CNTNAP2: variants seen among roughly 807,000 people sequenced by gnomAD.
The protein encoded by CNTNAP2 is contactin-associated protein-like 2.
In CNTNAP2, 98 loss-of-function variants were observed where a neutral mutation model predicts 155.2. That is an observed-to-expected ratio of 0.63 (90% CI 0.54 to 0.75). CNTNAP2 has a LOEUF of 0.75. Ranked by LOEUF, CNTNAP2 falls within the 30% of genes least tolerant of loss-of-function variation. The pLI is 0.00. For synonymous variants in CNTNAP2, 651 were observed against 631.2 expected (o/e 1.03, Z -0.47); for missense variants, 1,727 against 1,688.1 (o/e 1.02, Z -0.40).
chr7:147,972,902 G>A (rs1158803729), intron 14 of CNTNAP2, among the ~76,000 whole-genome samples: 2 of 152,210 alleles, frequency 1.3e-5, no homozygotes, highest in Admixed American at 6.5e-5. Context: ...AACCAAATTG[G>A]TTGTGGAGGC....
chr7:147,720,849 A>G (rs1563064849), intron 13 of CNTNAP2, among the ~76,000 whole-genome samples: 1 of 152,164 alleles, frequency 6.6e-6, no homozygotes, highest in Non-Finnish European at 1.5e-5. Context: ...TTATAGCAGT[A>G]TGAAAAAAAG....
chr7:148,155,364 T>C (rs2972116), intron 17 of CNTNAP2, among the ~76,000 whole-genome samples: 46,647 of 152,080 alleles, frequency 0.31, 7,852 homozygotes, highest in African/African-American at 0.43. Context: ...GCAGTCGAGC[T>C]CGCCTCCACT....
At chr7:147,162,257 C>CTGCT (rs1802041249) in intron 8 of CNTNAP2, 1 of 152,296 alleles carries the variant, frequency 6.6e-6, no homozygotes, top group East Asian at 1.9e-4. Flanking sequence ...CCATATATCA[C>CTGCT]TGCTTAAAAT....
chr7:147,225,288 T>G (rs1184286007), intron 8 of CNTNAP2, among the ~76,000 whole-genome samples: 3 of 152,222 alleles, frequency 2.0e-5, no homozygotes, highest in African/African-American at 7.2e-5. Flanking sequence ...GTAGCTGAAC[T>G]GGAAATGTTT....
chr7:147,994,856 G>A (rs1223578384), intron 15 of CNTNAP2, among the ~76,000 whole-genome samples: 1 of 152,196 alleles, frequency 6.6e-6, no homozygotes, highest in Non-Finnish European at 1.5e-5. Context: ...ATATAGAGAG[G>A]AAGCTGAAGA....
At chr7:146,128,586 G>A (rs1225854990) in intron 1 of CNTNAP2, among the ~76,000 whole-genome samples, 1 of 152,080 alleles carries the variant, frequency 6.6e-6, no homozygotes, top group African/African-American at 2.4e-5. Flanking sequence ...CTAATACCTT[G>A]AAGACAAACA....
intron 12 of CNTNAP2, among the ~76,000 whole-genome samples, chr7:147,564,716 T>C (rs550943129): frequency 9.2e-5 from 14 of 152,228 alleles, no homozygotes; most frequent in Non-Finnish European, 1.9e-4. Context: ...CATTGAACCC[T>C]TTGCTCAGAA....
intron 21 of CNTNAP2, among the ~76,000 whole-genome samples, chr7:148,309,585 G>A (rs1797555587): frequency 1.3e-5 from 2 of 152,148 alleles, no homozygotes; most frequent in African/African-American, 4.8e-5. Context: ...ACAGTCAAAG[G>A]GGGGTTATTC....
chr7:146,567,316 G>A (rs1424006603), intron 1 of CNTNAP2, among the ~76,000 whole-genome samples: 3 of 151,894 alleles, frequency 2.0e-5, no homozygotes, highest in South Asian at 2.1e-4. Flanking sequence ...TAATCTTAAA[G>A]GATCACATGT....
chr7:147,054,709 AAAGTAAC>A lies in CNTNAP2; in HGVS notation c.550+10658_550+10664del, dbSNP rs1799528321. 2.0e-5 allele frequency among the ~76,000 whole-genome samples: 3 copies of A among 152,258 alleles called. No homozygotes were observed. The South Asian group carries it at 6.2e-4, about 32-fold the overall frequency. ...TGGCAGTAATTGTCCTCATGAATTAAAAGTAACAACATAATAAAATAATTATTTAGTA... is the reference window on the plus strand; with the variant it reads ...TGGCAGTAATTGTCCTCATGAATTAAAACATAATAAAATAATTATTTAGTA... On this transcript the variant is annotated intron_variant, in intron 4 of 23. Transcript: ENST00000361727.
chr7:146,797,579 T>G (rs915503875), intron 2 of CNTNAP2, among the ~76,000 whole-genome samples: 6 of 152,146 alleles, frequency 3.9e-5, no homozygotes, highest in African/African-American at 1.2e-4. Flanking sequence ...TGTTGATGGA[T>G]TTAAGTAAAG....
intron 1 of CNTNAP2, among the ~76,000 whole-genome samples, chr7:146,361,207 A>G (rs1314201974): frequency 6.6e-6 from 1 of 152,174 alleles, no homozygotes; most frequent in East Asian, 1.9e-4. Flanking sequence ...GCAGCTCTAC[A>G]TACATACAGC....
At chr7:147,273,132 C>G (rs1804797553) in intron 8 of CNTNAP2, among the ~76,000 whole-genome samples, 1 of 152,068 alleles carries the variant, frequency 6.6e-6, no homozygotes, top group African/African-American at 2.4e-5. Context: ...CACTCCCAGC[C>G]TGCAGAAGCC....
Position 146,873,577 on chromosome 7 carries a change from G to A in CNTNAP2, c.402+33673G>A, listed in dbSNP as rs146139967. On this transcript the variant is annotated intron_variant, in intron 3 of 23. Transcript: ENST00000361727. The stretch of plus-strand genomic sequence containing the variant: ...AGTGACCCTCTGTGGGTAAGAAGTG[G>A]GCTCCTAGAGTATTTGAATTATGAA... 1.7e-4 allele frequency among the ~76,000 whole-genome samples: 26 copies of A among 152,196 alleles called. No individual in the cohort carries two copies. The East Asian group carries it at 5.0e-3, about 29-fold the overall frequency.
At chr7:146,870,644 T>G (rs1309541370) in intron 3 of CNTNAP2, among the ~76,000 whole-genome samples, 2 of 152,168 alleles carry the variant, frequency 1.3e-5, no homozygotes, top group African/African-American at 4.8e-5. Flanking sequence ...TCATTTCTCA[T>G]TCAAACTAAC....
chr7:148,268,378 G>A (rs1796712395), intron 21 of CNTNAP2, among the ~76,000 whole-genome samples: 1 of 152,088 alleles, frequency 6.6e-6, no homozygotes. Flanking sequence ...AATAGACTGG[G>A]CGTGGCGGCT....
intron 1 of CNTNAP2, among the ~76,000 whole-genome samples, chr7:146,427,237 T>C (rs1028436132): frequency 6.6e-6 from 1 of 152,182 alleles, no homozygotes; most frequent in Admixed American, 6.5e-5. Flanking sequence ...AGTGATAAGA[T>C]AGTCTTTACT....
intron 3 of CNTNAP2, among the ~76,000 whole-genome samples, chr7:147,022,002 A>T (rs1798826048): frequency 6.6e-6 from 1 of 151,930 alleles, no homozygotes; most frequent in African/African-American, 2.4e-5. Context: ...TCATGAAAAT[A>T]TTTTTCAAGT....
intron 1 of CNTNAP2, among the ~76,000 whole-genome samples, chr7:146,177,134 T>C (rs1432549229): frequency 6.6e-6 from 1 of 152,234 alleles, no homozygotes; most frequent in Non-Finnish European, 1.5e-5. Flanking sequence ...TCATGCTGCT[T>C]ACTTAGGTGT....
Sources: gnomAD v4.1 joint callset for allele counts (sites outside exome capture counted in the v4.1 genomes callset) on GRCh38, gnomAD v4.1.1 for gene constraint, MANE v1.5 for transcripts, NCBI Gene and HGNC (gene_info 2026-07-23, HGNC 2026-07-21) for gene names.